The following SLC1A1 variants were observed in gnomAD, a reference collection of about 807,000 sequenced individuals.
The protein encoded by SLC1A1 is solute carrier family 1 member 1, also known as excitatory amino acid transporter 3.
A neutral mutation model predicts 53.3 loss-of-function variants in SLC1A1; 43 were observed. The ratio of observed to expected loss-of-function variants is 0.81; its 90% CI spans 0.63 to 1.04. The LOEUF (loss-of-function observed/expected upper bound fraction) is 1.04, where lower values mean the gene tolerates loss of function less well. Among genes scored for constraint, SLC1A1 ranks in the 50% least tolerant of loss-of-function variants. SLC1A1 has a pLI of 0.00. For missense variants in SLC1A1, 748 were observed against 664.9 expected (o/e 1.12, Z -1.37); for synonymous variants, 307 against 243.2 (o/e 1.26, Z -2.44).
At chr9:4,497,628 T>C (rs1820480398) in intron 1 of SLC1A1, among the ~76,000 whole-genome samples, 1 of 152,190 alleles carries the variant, frequency 6.6e-6, no homozygotes, top group Non-Finnish European at 1.5e-5. Context: ...TTCAGCCCCC[T>C]CTGATCTATG....
At chr9:4,580,601 ATGTGTGTGTGTGTGTG>A (rs71326118) in intron 10 of SLC1A1, among the ~76,000 whole-genome samples, 33 of 69,690 alleles carry the variant, frequency 4.7e-4, no homozygotes, top group African/African-American at 1.6e-3. Context: ...AAAAATATAT[ATGTGTGTGTGTGTGTG>A]TGTGTGTGTG....
At chr9:4,500,674 CAA>C (rs1820601172) in intron 1 of SLC1A1, among the ~76,000 whole-genome samples, 1 of 152,156 alleles carries the variant, frequency 6.6e-6, no homozygotes. Flanking sequence ...CAAACTGCAA[CAA>C]AGAGTACTCT....
In SLC1A1 at chr9:4,490,763, G is replaced by A. The variant is rs1355625829; in HGVS notation, c.84G>A (p.Val28=). 1.2e-6 allele frequency: 2 copies of A among 1,611,906 alleles called. No individual in the cohort carries two copies. The highest frequency in any genetic ancestry group is 1.7e-5 in the Admixed American group (1 of 59,930). The change falls in exon 1 of 12, where the codon GTG becomes GTA. Residue 28 remains valine (V), a synonymous_variant. Coordinates refer to ENST00000262352, the MANE Select transcript of SLC1A1 (RefSeq NM_004170.6). ...TGTTGCTGTCCACCGTGGCCGCGGT[G>A]GTGCTAGGTGAGCGGCGCGGCGGGT... is the stretch of plus-strand genomic sequence containing the variant. ...NWVLLSTVAA[V]VLGITTGVLV...
At chr9:4,581,354 C>G (rs1171330342) in intron 10 of SLC1A1, among the ~76,000 whole-genome samples, 2 of 152,196 alleles carry the variant, frequency 1.3e-5, no homozygotes, top group Non-Finnish European at 2.9e-5. Context: ...AGAATATGTT[C>G]AAGCAGCAGG....
At chr9:4,530,336 A>C (rs1328913649) in intron 1 of SLC1A1, among the ~76,000 whole-genome samples, 1 of 152,184 alleles carries the variant, frequency 6.6e-6, no homozygotes, top group Non-Finnish European at 1.5e-5. Context: ...CTGAAAGCAC[A>C]ACTAAGTGTA....
chr9:4,564,280 T>C (rs1819270207), intron 3 of SLC1A1, 64 bp from the exon 4 acceptor site: 1 of 1,065,506 alleles, frequency 9.4e-7, no homozygotes, highest in African/African-American at 1.6e-5. Flanking sequence ...GTTCTAAAGG[T>C]GCCAGCTGTG....
intron 1 of SLC1A1, 104 bp downstream of exon 1, chr9:4,490,874 G>A: frequency 1.0e-6 from 1 of 966,564 alleles, no homozygotes; most frequent in Non-Finnish European, 1.6e-6. Context: ...CTCCATGCAG[G>A]GTCCCTCGAT....
At chr9:4,534,715 G>A (rs1048851109) in intron 1 of SLC1A1, among the ~76,000 whole-genome samples, 11 of 151,864 alleles carry the variant, frequency 7.2e-5, no homozygotes, top group African/African-American at 2.7e-4. Flanking sequence ...CATGAGGCCA[G>A]CATCATCCTG....
intron 6 of SLC1A1, among the ~76,000 whole-genome samples, chr9:4,570,937 A>G (rs1242446236): frequency 6.6e-6 from 1 of 151,950 alleles, no homozygotes; most frequent in Admixed American, 6.5e-5. Context: ...AAAGGTAAAA[A>G]CATGATTCAC....
intron 10 of SLC1A1, among the ~76,000 whole-genome samples, chr9:4,577,963 G>C (rs62543872): frequency 0.13 from 20,477 of 152,226 alleles, 1,468 homozygotes; most frequent in African/African-American, 0.16. Context: ...TGAAAGGCGA[G>C]GGAATGCCAG....
At chr9:4,505,824 T>G (rs1426555860) in intron 1 of SLC1A1, among the ~76,000 whole-genome samples, 1 of 151,922 alleles carries the variant, frequency 6.6e-6, no homozygotes, top group Non-Finnish European at 1.5e-5. Context: ...GCCCAGCTAA[T>G]TTTTGTACTT....
At chr9:4,535,450 C>T (rs909651610) in intron 1 of SLC1A1, among the ~76,000 whole-genome samples, 44 of 152,210 alleles carry the variant, frequency 2.9e-4, no homozygotes, top group Middle Eastern at 6.8e-3. Context: ...AGTGAACTCC[C>T]ATTCACAATT....
chr9:4,576,367 C>T (rs1205565386), intron 9 of SLC1A1, among the ~76,000 whole-genome samples: 1 of 152,226 alleles, frequency 6.6e-6, no homozygotes, highest in African/African-American at 2.4e-5. Flanking sequence ...GGGCACAGCA[C>T]CTTCTGATTC....
intron 6 of SLC1A1, 25 bp from the exon 7 acceptor site, chr9:4,572,179 A>G (rs1393655287): frequency 5.6e-6 from 9 of 1,598,948 alleles, no homozygotes; most frequent in African/African-American, 5.4e-5. Context: ...GTGCATCAAT[A>G]TGTTTTCTTG....
At chr9:4,572,486 T>C in intron 7 of SLC1A1, 98 bp downstream of exon 7, 1 of 1,059,952 alleles carries the variant, frequency 9.4e-7, no homozygotes, top group South Asian at 1.3e-5. Flanking sequence ...CTGATGAAGC[T>C]AGAGAAGTTG....
chr9:4,566,212 C>G (rs1819472415), intron 5 of SLC1A1, 123 bp downstream of exon 5: 1 of 850,194 alleles, frequency 1.2e-6, no homozygotes, highest in African/African-American at 1.7e-5. Context: ...AGGAAGTAAA[C>G]CTGTGACTGG....
At chr9:4,503,026 C>G (rs1282869814) in intron 1 of SLC1A1, among the ~76,000 whole-genome samples, 1 of 151,842 alleles carries the variant, frequency 6.6e-6, no homozygotes, top group African/African-American at 2.4e-5. Context: ...GTTATCCTGC[C>G]TATCCTTGAA....
At chr9:4,538,021 A>G (rs888771553) in intron 1 of SLC1A1, among the ~76,000 whole-genome samples, 2 of 152,200 alleles carry the variant, frequency 1.3e-5, no homozygotes, top group African/African-American at 2.4e-5. Context: ...TTTTTAAATT[A>G]TAAGAGATAA....
chr9:4,555,625 G>A (rs1818302005), intron 2 of SLC1A1, among the ~76,000 whole-genome samples: 1 of 152,172 alleles, frequency 6.6e-6, no homozygotes, highest in African/African-American at 2.4e-5. Context: ...AGGACAACCG[G>A]GGATTTTATC....
Sources: allele counts gnomAD v4.1 joint callset (sites outside exome capture counted in the v4.1 genomes callset), GRCh38; gene constraint gnomAD v4.1.1; transcripts MANE v1.5; gene names NCBI Gene and HGNC (gene_info 2026-07-23, HGNC 2026-07-21).